Variants in PTPRQ observed in about 807,000 individuals in gnomAD.
The protein encoded by PTPRQ is phosphatidylinositol phosphatase PTPRQ.
In PTPRQ, 199 loss-of-function variants were observed where a neutral mutation model predicts 246.0. The ratio of observed to expected loss-of-function variants is 0.81; its 90% confidence interval spans 0.72 to 0.91. The LOEUF (loss-of-function observed/expected upper bound fraction) is 0.91, where lower values mean the gene tolerates loss of function less well. Ranked by LOEUF, PTPRQ falls within the 40% of genes least tolerant of loss-of-function variation. The probability of loss-of-function intolerance (pLI) is 0.00; values close to 1 mark genes in which losing one functional copy is unlikely to be tolerated. For synonymous variants in PTPRQ, 869 were observed against 853.2 expected, an observed-to-expected ratio of 1.02 and a Z score of -0.32; for missense variants, 2,624 against 2,528.4, an observed-to-expected ratio of 1.04 and a Z score of -0.81.
At chr12:80,619,290 A>C in intron 30 of PTPRQ, 94 bp from the exon 31 acceptor site, 1 of 1,362,456 alleles carries the variant, frequency 7.3e-7, no homozygotes, top group Non-Finnish European at 9.8e-7. Flanking sequence ...TCATCACTTT[A>C]TCTGTAAATT....
At chr12:80,563,967 T>A (rs1488290491) in intron 25 of PTPRQ, among the ~76,000 whole-genome samples, 1 of 152,162 alleles carries the variant, frequency 6.6e-6, no homozygotes, top group African/African-American at 2.4e-5. Context: ...CTGTGCTTTT[T>A]TTTTTGAGTA....
At chr12:80,676,844 CG>C (rs1208950422) in intron 43 of PTPRQ, among the ~76,000 whole-genome samples, 58 of 152,016 alleles carry the variant, frequency 3.8e-4, no homozygotes, top group African/African-American at 1.3e-3. Context: ...AGTTTTTTGT[CG>C]GGCATTTTAT....
chr12:80,449,469 G>T (rs539028841), intron 3 of PTPRQ, among the ~76,000 whole-genome samples: 1 of 152,276 alleles, frequency 6.6e-6, no homozygotes, highest in South Asian at 2.1e-4. Context: ...GTCCTGAATG[G>T]TAATGCCTAG....
intron 25 of PTPRQ, among the ~76,000 whole-genome samples, chr12:80,579,473 T>G (rs1897370474): frequency 6.6e-6 from 1 of 152,180 alleles, no homozygotes; most frequent in African/African-American, 2.4e-5. Context: ...CCTCAGTTGT[T>G]CCTTCAAATT....
chr12:80,483,783 G>T (rs1329123629), intron 8 of PTPRQ, among the ~76,000 whole-genome samples: 1 of 151,350 alleles, frequency 6.6e-6, no homozygotes, highest in Non-Finnish European at 1.5e-5. Flanking sequence ...CTCTCCCTGT[G>T]TCCATGTGTT....
chr12:80,496,860 A>G (rs1309480719), intron 14 of PTPRQ, among the ~76,000 whole-genome samples: 5 of 152,068 alleles, frequency 3.3e-5, no homozygotes, highest in Admixed American at 2.6e-4. Context: ...AAACTGAGAC[A>G]TACTCATAGG....
chr12:80,590,383 A>C (rs1297896847), intron 26 of PTPRQ, among the ~76,000 whole-genome samples: 1 of 151,964 alleles, frequency 6.6e-6, no homozygotes, highest in African/African-American at 2.4e-5. Context: ...AAACTATCCA[A>C]TGGGCTGGGC....
Position 80,636,780 on chromosome 12 carries a change from A to G in PTPRQ, c.5915+1707A>G, listed in dbSNP as rs150738280. 5.3e-3 allele frequency among the ~76,000 whole-genome samples: 806 copies of G among 152,328 alleles called. 6 individuals are homozygous for G. The highest frequency in any genetic ancestry group is 0.018 in the African/African-American group (758 of 41,576). ...TAAGTATATCTTCAGCAAATGTAAT[A>G]ACGTGAAAAAGCACTCTTTTTGTTT... On this transcript the variant is annotated intron_variant, in intron 35 of 44. Coordinates refer to ENST00000644991, the MANE Select transcript of PTPRQ (RefSeq NM_001145026.2).
chr12:80,552,632 TA>T (rs67006550), intron 25 of PTPRQ, among the ~76,000 whole-genome samples: 62,127 of 87,582 alleles, frequency 0.71, 23,167 homozygotes, highest in Middle Eastern at 0.87. Flanking sequence ...CAGGTCTTTG[TA>T]AAAAAAAAAA....
intron 9 of PTPRQ, among the ~76,000 whole-genome samples, chr12:80,485,067 T>C (rs953390540): frequency 6.6e-6 from 1 of 152,144 alleles, no homozygotes; most frequent in African/African-American, 2.4e-5. Context: ...CTCTTTTTTT[T>C]TTTCAAAGTA....
At chr12:80,481,526 G>A (rs1894057318) in intron 8 of PTPRQ, among the ~76,000 whole-genome samples, 1 of 152,030 alleles carries the variant, frequency 6.6e-6, no homozygotes, top group South Asian at 2.1e-4. Context: ...TCTGCCCAGG[G>A]CAATTAGGCA....
chr12:80,591,845 T>C (rs907926199), intron 26 of PTPRQ, among the ~76,000 whole-genome samples: 2 of 152,170 alleles, frequency 1.3e-5, no homozygotes, highest in East Asian at 1.9e-4. Context: ...AGTATCTCAC[T>C]TGGGGAGTAC....
intron 33 of PTPRQ, among the ~76,000 whole-genome samples, chr12:80,623,266 G>A (rs1285790246): frequency 6.6e-6 from 1 of 152,110 alleles, no homozygotes; most frequent in Non-Finnish European, 1.5e-5. Flanking sequence ...GCCTCTACAT[G>A]TAGTCAAGGA....
chr12:80,587,658 ATTGT>A (rs1238964590), intron 25 of PTPRQ, among the ~76,000 whole-genome samples: 2 of 152,206 alleles, frequency 1.3e-5, no homozygotes, highest in Non-Finnish European at 2.9e-5. Context: ...TGTCAGTAAT[ATTGT>A]TTATTTAAAA....
At chr12:80,456,516 A>C (rs1049281297) in intron 3 of PTPRQ, among the ~76,000 whole-genome samples, 1 of 152,144 alleles carries the variant, frequency 6.6e-6, no homozygotes, top group African/African-American at 2.4e-5. Flanking sequence ...ATAATTAAAA[A>C]TTTTTAATGT....
intron 25 of PTPRQ, among the ~76,000 whole-genome samples, chr12:80,565,987 A>T (rs531726651): frequency 6.6e-6 from 1 of 152,304 alleles, no homozygotes; most frequent in Non-Finnish European, 1.5e-5. Context: ...TTAGTATATT[A>T]ATAAGTTATC....
chr12:80,622,162 A>T (rs1016271685), intron 33 of PTPRQ, 28 bp downstream of exon 33: 24 of 1,352,778 alleles, frequency 1.8e-5, no homozygotes, highest in Non-Finnish European at 2.0e-5. Flanking sequence ...TTCATTTATA[A>T]TCTCAACATA....
chr12:80,623,264 A>C (rs1899065704), intron 33 of PTPRQ, among the ~76,000 whole-genome samples: 1 of 152,172 alleles, frequency 6.6e-6, no homozygotes, highest in South Asian at 2.1e-4. Flanking sequence ...CAGCCTCTAC[A>C]TGTAGTCAAG....
chr12:80,659,083 A>G (rs1259103729), intron 39 of PTPRQ, among the ~76,000 whole-genome samples: 1 of 152,060 alleles, frequency 6.6e-6, no homozygotes, highest in Non-Finnish European at 1.5e-5. Context: ...TAATGGGAGA[A>G]TTTAAGACTT....
Sources: allele counts gnomAD v4.1 joint callset (sites outside exome capture counted in the v4.1 genomes callset), GRCh38; gene constraint gnomAD v4.1.1; transcripts MANE v1.5; gene names NCBI Gene and HGNC (gene_info 2026-07-23, HGNC 2026-07-21).